The following NAA60 variants were observed in gnomAD, a reference collection of about 807,000 sequenced individuals.
NAA60 encodes N-alpha-acetyltransferase 60, NatF catalytic subunit.
In NAA60, 8 loss-of-function variants were observed where a neutral mutation model predicts 26.1. That is an observed-to-expected ratio of 0.31 (90% CI 0.18 to 0.55). NAA60 has a LOEUF of 0.55. Ranked by LOEUF, NAA60 falls within the 20% of genes least tolerant of loss-of-function variation. The pLI is 0.93. For missense variants in NAA60, 290 were observed against 311.3 expected (o/e 0.93, Z 0.51); for synonymous variants, 131 against 122.5 (o/e 1.07, Z -0.46).
At chr16:3,446,495 C>A (rs1400336163) in intron 1 of NAA60, among the ~76,000 whole-genome samples, 1 of 147,074 alleles carries the variant, frequency 6.8e-6, no homozygotes, top group Non-Finnish European at 1.5e-5. Flanking sequence ...CACACCACTG[C>A]ACTCCAGCCT....
At chr16:3,458,269 AG>A in intron 2 of NAA60, 2 of 854,538 alleles carry the variant, frequency 2.3e-6, no homozygotes, top group Non-Finnish European at 2.8e-6. Context: ...CGCCGGGGTC[AG>A]GGGGGCCAGC....
At chr16:3,476,814 G>T (rs2036513977) in intron 3 of NAA60, among the ~76,000 whole-genome samples, 1 of 152,084 alleles carries the variant, frequency 6.6e-6, no homozygotes, top group African/African-American at 2.4e-5. Flanking sequence ...GGCCAAGGAG[G>T]GCAGATCACC....
intron 4 of NAA60, among the ~76,000 whole-genome samples, 163 bp downstream of exon 4, chr16:3,479,763 C>CTGTGTGTGTG (rs397970860): frequency 2.6e-5 from 4 of 150,994 alleles, no homozygotes; most frequent in Admixed American, 2.0e-4. Flanking sequence ...TGGTGCTTTT[C>CTGTGTGTGTG]TGTGTGTGTG....
At chr16:3,476,713 GA>G (rs1256542335) in intron 3 of NAA60, among the ~76,000 whole-genome samples, 1 of 150,966 alleles carries the variant, frequency 6.6e-6, no homozygotes, top group Admixed American at 6.6e-5. Flanking sequence ...ATTCAGCCGG[GA>G]AAAAAAAACC....
intron 4 of NAA60, among the ~76,000 whole-genome samples, chr16:3,482,251 C>G (rs2036883528): frequency 6.6e-6 from 1 of 152,166 alleles, no homozygotes; most frequent in East Asian, 1.9e-4. Flanking sequence ...GCTAGGCCTC[C>G]CACACACCCC....
chr16:3,461,894 C>G (rs991977839), intron 2 of NAA60, among the ~76,000 whole-genome samples: 1 of 151,962 alleles, frequency 6.6e-6, no homozygotes, highest in Admixed American at 6.5e-5. Flanking sequence ...TCGAGAGCGG[C>G]CTGGGCAACA....
At chr16:3,482,240 G>A (rs2036883071) in intron 4 of NAA60, among the ~76,000 whole-genome samples, 1 of 152,166 alleles carries the variant, frequency 6.6e-6, no homozygotes, top group African/African-American at 2.4e-5. Flanking sequence ...TCCCGTCCTT[G>A]GCTAGGCCTC....
At chr16:3,465,439 G>A (rs2035689990) in intron 2 of NAA60, among the ~76,000 whole-genome samples, 3 of 151,896 alleles carry the variant, frequency 2.0e-5, no homozygotes, top group Admixed American at 6.6e-5. Context: ...CCTTGTCATC[G>A]CCACTTCTGA....
At chr16:3,455,733 G>C (rs1324333288) in intron 2 of NAA60, among the ~76,000 whole-genome samples, 1 of 147,126 alleles carries the variant, frequency 6.8e-6, no homozygotes, top group Non-Finnish European at 1.5e-5. Context: ...GTTTTGAGAA[G>C]GAGTCTTGCT....
At chr16:3,480,609 A>AAAG (rs1555488677) in intron 4 of NAA60, among the ~76,000 whole-genome samples, 2 of 145,662 alleles carry the variant, frequency 1.4e-5, no homozygotes, top group Non-Finnish European at 3.1e-5. Context: ...AAAAAAAAAA[A>AAAG]AAGAAGAAGA....
intron 2 of NAA60, among the ~76,000 whole-genome samples, chr16:3,466,731 G>A (rs933344233): frequency 1.3e-5 from 2 of 152,188 alleles, no homozygotes; most frequent in South Asian, 2.1e-4. Context: ...CTGGGGTGGT[G>A]CTTTGAGAGG....
intron 1 of NAA60, among the ~76,000 whole-genome samples, chr16:3,445,179 T>C (rs1380046548): frequency 6.6e-6 from 1 of 152,066 alleles, no homozygotes; most frequent in East Asian, 1.9e-4. Context: ...GAAGAGCTAA[T>C]AGCCTGTATA....
intron 2 of NAA60, chr16:3,456,802 T>C (rs1359880038): frequency 1.3e-5 from 2 of 152,224 alleles, no homozygotes; most frequent in African/African-American, 4.8e-5. Flanking sequence ...AAATCTTTTT[T>C]TTTTTAGATG....
At chr16:3,466,878 G>A (rs2150980760) in intron 2 of NAA60, among the ~76,000 whole-genome samples, 1 of 152,298 alleles carries the variant, frequency 6.6e-6, no homozygotes, top group African/African-American at 2.4e-5. Context: ...TGCTGGGACA[G>A]AAAGTGGGGT....
At chr16:3,482,927 C>T (rs2036937725) in intron 5 of NAA60, 1 of 497,136 alleles carries the variant, frequency 2.0e-6, no homozygotes, top group Admixed American at 3.4e-5. Flanking sequence ...ATTCACTGCT[C>T]ACGATTCAGA....
chr16:3,447,937 G>A (rs1013176850), intron 1 of NAA60, among the ~76,000 whole-genome samples: 3 of 152,194 alleles, frequency 2.0e-5, no homozygotes, highest in African/African-American at 4.8e-5. Context: ...GGCTTGGTCT[G>A]TGTTAACTCC....
At chr16:3,464,583 C>G (rs1234595076) in intron 2 of NAA60, among the ~76,000 whole-genome samples, 1 of 152,056 alleles carries the variant, frequency 6.6e-6, no homozygotes, top group Non-Finnish European at 1.5e-5. Context: ...GTTTTCTCTC[C>G]GAGAACAGAC....
chr16:3,449,907 C>T (rs918811620), intron 2 of NAA60: 5 of 391,954 alleles, frequency 1.3e-5, no homozygotes, highest in African/African-American at 2.1e-5. Context: ...TACCTTCCAC[C>T]GTAATTGTGA....
chr16:3,466,674 C>A (rs1465032083), intron 2 of NAA60, among the ~76,000 whole-genome samples: 2 of 152,128 alleles, frequency 1.3e-5, no homozygotes, highest in African/African-American at 4.8e-5. Flanking sequence ...ATGCTAATCT[C>A]CCTTGAGCTT....
Sources: allele counts gnomAD v4.1 joint callset (sites outside exome capture counted in the v4.1 genomes callset), GRCh38; gene constraint gnomAD v4.1.1; transcripts MANE v1.5; gene names NCBI Gene and HGNC (gene_info 2026-07-23, HGNC 2026-07-21).